Variants in SNED1 observed in about 807,000 individuals in gnomAD.
SNED1 encodes the protein sushi, nidogen and EGF like domains 1.
A neutral mutation model predicts 166.7 loss-of-function variants in SNED1; 81 were observed. That is an observed-to-expected ratio of 0.49 (90% confidence interval 0.41 to 0.58). SNED1 has a LOEUF of 0.58. Among genes scored for constraint, SNED1 ranks in the 20% least tolerant of loss-of-function variants. SNED1 has a pLI of 0.00. For synonymous variants in SNED1, 762 were observed against 822.0 expected, an observed-to-expected ratio of 0.93 and a Z score of 1.25; for missense variants, 1,604 against 2,000.2, an observed-to-expected ratio of 0.80 and a Z score of 3.78.
chr2:241,030,263 C>T (rs1424238510), intron 1 of SNED1, 21 bp from the exon 2 acceptor site: 4 of 1,546,484 alleles, frequency 2.6e-6, no homozygotes, highest in East Asian at 2.4e-5. Context: ...TCAATCCCCG[C>T]TCTGGCTTTC....
intron 4 of SNED1, among the ~76,000 whole-genome samples, chr2:241,036,143 C>G (rs908277317): frequency 6.8e-6 from 1 of 146,644 alleles, no homozygotes; most frequent in Non-Finnish European, 1.5e-5. Context: ...GAGAGCACCG[C>G]GCGCTCATGG....
In SNED1 at chr2:241,073,312, G is replaced by T; in HGVS notation, c.3864G>T (p.Lys1288Asn). The T allele has an allele frequency of 1.3e-6, 2 of 1,574,030 alleles. No individual in the cohort carries two copies. Among genetic ancestry groups the T allele is most frequent in the Non-Finnish European group, 1.7e-6 (2 of 1,161,014 alleles). Residue 1288 changes from lysine (K) to asparagine (N), a missense_variant, in exon 27 of 32, where the codon AAG becomes AAT. Lys to Asn is a moderately conservative substitution (Grantham distance 94). Transcript: ENST00000310397. The surrounding 1 kb of genome is among the most constrained non-coding windows in gnomAD (Gnocchi z 6.6). Reference sequence around the variant, plus strand: ...TCGAGAACATGGAGGAAGCCCCCAAGCGGGTCAGCCTGGCCCTCCAGCTCC... The same window carrying T: ...TCGAGAACATGGAGGAAGCCCCCAATCGGGTCAGCCTGGCCCTCCAGCTCC... ...AQLENMEEAP[K>N]RVSLALQLPE...
intron 1 of SNED1, among the ~76,000 whole-genome samples, chr2:241,014,822 C>T (rs912654441): frequency 2.0e-5 from 3 of 152,150 alleles, no homozygotes; most frequent in African/African-American, 7.2e-5. Context: ...CTCTAATACA[C>T]CTGGAGGTGA....
intron 6 of SNED1, among the ~76,000 whole-genome samples, chr2:241,039,022 A>G (rs2061449814): frequency 6.6e-6 from 1 of 152,204 alleles, no homozygotes; most frequent in South Asian, 2.1e-4. Flanking sequence ...GCAGCATGTC[A>G]GTTGTACGTG....
At chr2:241,042,416 T>C (rs1204976542) in intron 8 of SNED1, among the ~76,000 whole-genome samples, 1 of 152,176 alleles carries the variant, frequency 6.6e-6, no homozygotes, top group Admixed American at 6.5e-5. Context: ...CATTGAGCCA[T>C]GTGCCAGAAT....
chr2:241,066,622 C>T (rs924512866), intron 21 of SNED1, among the ~76,000 whole-genome samples: 4 of 113,962 alleles, frequency 3.5e-5, no homozygotes, highest in East Asian at 2.0e-4. Flanking sequence ...TGCGAAGTGG[C>T]GTGATGGATG....
At position 241,070,209 on chromosome 2, in the gene SNED1, C is replaced by CCG; in HGVS notation, c.3589+9_3589+10dup. 6.3e-7 allele frequency: 1 copy of CCG among 1,598,714 alleles called. No homozygotes were observed. The highest frequency in any genetic ancestry group is 8.5e-7 in the Non-Finnish European group (1 of 1,174,928). ...ACCTCTACATCATCACCTGTGAGTGCCGTGGGCCCTGCGCGTGGGCGGGGC... is the reference window on the plus strand; with the variant it reads ...ACCTCTACATCATCACCTGTGAGTGCCGCGTGGGCCCTGCGCGTGGGCGGGGC... On this transcript the variant is annotated intron_variant, in intron 24 of 31. Coordinates refer to ENST00000310397, the MANE Select transcript of SNED1 (RefSeq NM_001080437.3).
chr2:241,067,912 C>G lies in SNED1; in HGVS notation c.3159C>G (p.Thr1053=). The change falls in exon 22 of 32, where the codon ACC becomes ACG. Residue 1053 remains threonine, a synonymous_variant. Transcript: ENST00000310397. ...CTGAGGCCCTCAGGGACCAGGCCAC[C>G]GATGTGGACAGGAGTGTGGACAGGT... ...RHPEALRDQA[T]DVDRSVDRFT... 1.2e-6 allele frequency: 2 copies of G among 1,613,258 alleles called. No individual in the cohort carries two copies. Among genetic ancestry groups the G allele is most frequent in the Non-Finnish European group, 1.7e-6 (2 of 1,179,790 alleles).
intron 16 of SNED1, among the ~76,000 whole-genome samples, chr2:241,054,691 T>G (rs959363797): frequency 6.6e-6 from 1 of 152,208 alleles, no homozygotes; most frequent in Admixed American, 6.5e-5. Context: ...AATAAGCAGA[T>G]TAAAAACTAT....
chr2:241,083,489 T>A (rs767190577), intron 29 of SNED1, among the ~76,000 whole-genome samples: 1 of 152,118 alleles, frequency 6.6e-6, no homozygotes, highest in African/African-American at 2.4e-5. Flanking sequence ...CGGGCAAGGG[T>A]AGAAGCTTCA....
chr2:241,091,204 A>G lies in SNED1; in HGVS notation c.*2-434A>G, dbSNP rs1365233577. ...ACAAAAAAGCAGGAAACAGAAACAC[A>G]CGCACCCAGACACCCATCCAAGAAC... On this transcript the variant is annotated intron_variant, in intron 31 of 31. Coordinates refer to ENST00000310397, the MANE Select transcript of SNED1 (RefSeq NM_001080437.3). The surrounding 1 kb of genome is among the most constrained non-coding windows in gnomAD (Gnocchi z 4.1). Among the ~76,000 whole-genome samples, 1 of 152,206 alleles carries G rather than the reference A, an allele frequency of 6.6e-6. No individual in the cohort carries two copies. Among genetic ancestry groups the G allele is most frequent in the Admixed American group, 6.5e-5 (1 of 15,286 alleles).
At chr2:241,025,531 A>AT (rs1171706053) in intron 1 of SNED1, among the ~76,000 whole-genome samples, 12 of 152,164 alleles carry the variant, frequency 7.9e-5, no homozygotes, top group South Asian at 2.1e-4. Context: ...AATTCTATAG[A>AT]TTTTTTACAC....
At chr2:241,090,139 TACAA>T in intron 31 of SNED1, 1 of 1,478,882 alleles carries the variant, frequency 6.8e-7, no homozygotes, top group Non-Finnish European at 9.0e-7. Flanking sequence ...CAGCTTAAAA[TACAA>T]ACACACTGTA....
At position 241,075,865 on chromosome 2, in the gene SNED1, G is replaced by A. The variant is rs1575083193; in HGVS notation, c.3916+2501G>A. Among the ~76,000 whole-genome samples the A allele has an allele frequency of 6.6e-6, 1 of 152,242 alleles. No homozygotes were observed. The highest frequency in any genetic ancestry group is 2.4e-5 in the African/African-American group (1 of 41,532). On this transcript the variant is annotated intron_variant, in intron 27 of 31. Coordinates refer to ENST00000310397, the MANE Select transcript of SNED1 (RefSeq NM_001080437.3). The surrounding 1 kb of genome is among the most constrained non-coding windows in gnomAD (Gnocchi z 4.8). ...CATTAATCTGTTAGACTGTGTGTGTGTGAGAAGTTGGGCTACAATTTCATT... is the reference window on the plus strand; with the variant it reads ...CATTAATCTGTTAGACTGTGTGTGTATGAGAAGTTGGGCTACAATTTCATT...
At chr2:241,039,169 G>A (rs1421007954) in intron 6 of SNED1, among the ~76,000 whole-genome samples, 1 of 152,174 alleles carries the variant, frequency 6.6e-6, no homozygotes, top group South Asian at 2.1e-4. Flanking sequence ...CATAACAGCA[G>A]GGGCGCCCGC....
rs769264899 is a variant in SNED1 at position 241,013,008 on chromosome 2, G to T, written c.213+13958G>T. 3.3e-5 allele frequency among the ~76,000 whole-genome samples: 5 copies of T among 151,864 alleles called. No homozygotes were observed. The highest frequency in any genetic ancestry group is 5.9e-5 in the Non-Finnish European group (4 of 67,936). ...CCGCCACCACGCCCGCTAATTTTTT[G>T]TATTTTCAGTAGAGACAGGGTTTCA... On this transcript the variant is annotated intron_variant, in intron 1 of 31. Coordinates refer to ENST00000310397, the MANE Select transcript of SNED1 (RefSeq NM_001080437.3). The surrounding 1 kb of genome is among the most constrained non-coding windows in gnomAD (Gnocchi z 4.6).
chr2:241,000,423 C>T (rs960284992), intron 1 of SNED1, among the ~76,000 whole-genome samples: 1 of 152,176 alleles, frequency 6.6e-6, no homozygotes, highest in African/African-American at 2.4e-5. Flanking sequence ...GACAGAGGAA[C>T]GGGACTGACT....
At chr2:241,066,121 C>A (rs1206150687) in intron 21 of SNED1, among the ~76,000 whole-genome samples, 1 of 152,152 alleles carries the variant, frequency 6.6e-6, no homozygotes, top group African/African-American at 2.4e-5. Flanking sequence ...CCCAGAGCCT[C>A]CACCTGGAGC....
chr2:241,089,245 C>G, intron 31 of SNED1: 1 of 1,500,108 alleles, frequency 6.7e-7, no homozygotes, highest in Non-Finnish European at 8.9e-7. Context: ...TGGCCTAGGA[C>G]AGCTTTGCTC....
Sources: gnomAD v4.1 joint callset for allele counts (sites outside exome capture counted in the v4.1 genomes callset) on GRCh38, gnomAD v4.1.1 for gene constraint, Gnocchi (gnomAD v3.1) non-coding constraint, MANE v1.5 for transcripts, NCBI Gene and HGNC (gene_info 2026-07-23, HGNC 2026-07-21) for gene names.